NARS2: variants seen among roughly 807,000 people sequenced by gnomAD.
The protein encoded by NARS2 is asparaginyl-tRNA synthetase 2, mitochondrial, also known as asparaginyl-tRNA synthetase.
NARS2 carries 60 observed loss-of-function variants against 62.9 expected under a neutral mutation model. The observed-to-expected ratio is 0.95, with a 90% CI of 0.77 to 1.18. The LOEUF (loss-of-function observed/expected upper bound fraction) is 1.18. NARS2 is among the 50% of genes most tolerant of loss of function. The pLI is 0.00. For synonymous variants in NARS2, 196 were observed against 200.0 expected, an observed-to-expected ratio of 0.98 and a Z score of 0.17; for missense variants, 619 against 576.4, an observed-to-expected ratio of 1.07 and a Z score of -0.76.
intron 9 of NARS2, among the ~76,000 whole-genome samples, chr11:78,469,779 C>T (rs11501936): frequency 6.2e-5 from 9 of 146,046 alleles, no homozygotes; most frequent in Non-Finnish European, 1.4e-4. Context: ...AGAGAGAGAG[C>T]GAGAGATGCA....
intron 5 of NARS2, among the ~76,000 whole-genome samples, chr11:78,559,240 T>C (rs191270961): frequency 0.013 from 1,754 of 131,008 alleles, 15 homozygotes; most frequent in Middle Eastern, 0.058. Context: ...GAGGCGGAGG[T>C]TGCAGTGAGT....
Position 78,574,532 on chromosome 11 carries a change from C to A in NARS2, c.-44G>T, listed in dbSNP as rs768666874. The A allele has an allele frequency of 2.9e-5, 45 of 1,545,108 alleles. No individual in the cohort carries two copies. In the East Asian group the frequency reaches 1.0e-3, roughly 36 times the overall value. The stretch of plus-strand genomic sequence containing the variant: ...CTCCGCGGGAGCAGCCCAGACCCCA[C>A]GGTTCGAACCCCGCCTGCAGCGGCC... On this transcript the variant is annotated 5_prime_UTR_variant, in exon 1 of 14. Transcript: ENST00000281038.
chr11:78,496,332 T>A (rs1435639969), intron 6 of NARS2, among the ~76,000 whole-genome samples: 1 of 152,168 alleles, frequency 6.6e-6, no homozygotes, highest in Admixed American at 6.5e-5. Flanking sequence ...TATGGAATGA[T>A]CATTATGGGC....
chr11:78,536,498 G>C (rs1054600070), intron 5 of NARS2, among the ~76,000 whole-genome samples: 5 of 151,900 alleles, frequency 3.3e-5, no homozygotes, highest in Non-Finnish European at 4.4e-5. Context: ...TATAGGCCTA[G>C]GCTAATGTAT....
intron 5 of NARS2, among the ~76,000 whole-genome samples, chr11:78,548,684 T>G (rs541821737): frequency 6.6e-6 from 1 of 152,314 alleles, no homozygotes; most frequent in East Asian, 1.9e-4. Flanking sequence ...ATCGTGGTGG[T>G]AAAAAGTAGC....
chr11:78,465,817 C>A lies in NARS2; in HGVS notation c.1164+59G>T. The A allele has an allele frequency of 3.2e-6, 5 of 1,552,664 alleles. No individual in the cohort carries two copies. In the South Asian group the frequency reaches 4.5e-5, roughly 14 times the overall value. ...GACATTTAAGAAAAGATCACAAAGG[C>A]TAAATGAAAAACCCAACCTAAGAGG... On this transcript the variant is annotated intron_variant, in intron 11 of 13. Transcript: ENST00000281038.
intron 6 of NARS2, among the ~76,000 whole-genome samples, chr11:78,493,989 T>C (rs1018883294): frequency 6.6e-6 from 1 of 152,210 alleles, no homozygotes; most frequent in Non-Finnish European, 1.5e-5. Context: ...GTCAGATACA[T>C]ATTGCAGTTC....
At chr11:78,544,032 A>AAAAAAAC in intron 5 of NARS2, among the ~76,000 whole-genome samples, 1 of 151,100 alleles carries the variant, frequency 6.6e-6, no homozygotes, top group African/African-American at 2.4e-5. Flanking sequence ...AAAAAAAAAA[A>AAAAAAAC]AAAAAAAACT....
rs544185103 is a variant in NARS2 at position 78,507,319 on chromosome 11, G to T, written c.690-14124C>A. ...AAGTGATGGCACCTGCCTAGGGAAA[G>T]AATCAGGCAGGCTCAGAAAGACCTG... On this transcript the variant is annotated intron_variant, in intron 6 of 13. Coordinates refer to ENST00000281038, the MANE Select transcript of NARS2 (RefSeq NM_024678.6). 1.7e-4 allele frequency among the ~76,000 whole-genome samples: 26 copies of T among 152,246 alleles called. No homozygotes were observed. In the South Asian group the frequency reaches 4.8e-3, roughly 28 times the overall value.
intron 11 of NARS2, among the ~76,000 whole-genome samples, chr11:78,464,100 G>A (rs565332904): frequency 6.6e-6 from 1 of 152,248 alleles, no homozygotes; most frequent in South Asian, 2.1e-4. Context: ...TCCTTCTGGT[G>A]GGTTCGTGGT....
rs1857936171 is a variant in NARS2, at chr11:78,450,626, G to T, written c.1165-6868C>A. 2.0e-5 allele frequency among the ~76,000 whole-genome samples: 3 copies of T among 149,480 alleles called. No individual in the cohort carries two copies. In the South Asian group the frequency reaches 6.4e-4, roughly 32 times the overall value. Reference sequence around the variant, plus strand: ...ATGGTACTATTTCTTTTTCAACAAGGTCAGGTGAACCTCTGAAGAAAAGCC... The same window carrying T: ...ATGGTACTATTTCTTTTTCAACAAGTTCAGGTGAACCTCTGAAGAAAAGCC... On this transcript the variant is annotated intron_variant, in intron 11 of 13. Coordinates refer to ENST00000281038, the MANE Select transcript of NARS2 (RefSeq NM_024678.6).
intron 7 of NARS2, among the ~76,000 whole-genome samples, chr11:78,479,619 GT>G (rs1450466399): frequency 6.6e-6 from 1 of 152,214 alleles, no homozygotes; most frequent in Non-Finnish European, 1.5e-5. Flanking sequence ...TTTCTAAAAT[GT>G]TTTTATTCAC....
Position 78,436,847 on chromosome 11 carries a change from A to T in NARS2, c.1290-33T>A, listed in dbSNP as rs1271097974. 3.1e-6 allele frequency: 5 copies of T among 1,598,390 alleles called. No individual in the cohort carries two copies. The Admixed American group carries it at 8.5e-5, about 27-fold the overall frequency. ...TCAAAAATAGAAAATCATCATCTATATATAGTATAAGACCAGATGTTATGA... is the reference window on the plus strand; with the variant it reads ...TCAAAAATAGAAAATCATCATCTATTTATAGTATAAGACCAGATGTTATGA... On this transcript the variant is annotated intron_variant, in intron 13 of 13. Transcript: ENST00000281038.
At chr11:78,453,179 G>T (rs1858034814) in intron 11 of NARS2, among the ~76,000 whole-genome samples, 1 of 152,176 alleles carries the variant, frequency 6.6e-6, no homozygotes, top group African/African-American at 2.4e-5. Context: ...GGAGACTACA[G>T]ATCATTTTCC....
intron 13 of NARS2, among the ~76,000 whole-genome samples, chr11:78,438,272 G>C (rs1021744450): frequency 6.6e-6 from 1 of 152,138 alleles, no homozygotes; most frequent in Non-Finnish European, 1.5e-5. Flanking sequence ...GGGATATCTA[G>C]TATAAAACTT....
At chr11:78,473,831 G>A (rs1858975991) in intron 9 of NARS2, among the ~76,000 whole-genome samples, 1 of 152,180 alleles carries the variant, frequency 6.6e-6, no homozygotes, top group Non-Finnish European at 1.5e-5. Flanking sequence ...TCCTTGACCA[G>A]TTCTAGCTTT....
At chr11:78,441,262 T>C in intron 12 of NARS2, 145 bp from the exon 13 acceptor site, 1 of 641,292 alleles carries the variant, frequency 1.6e-6, no homozygotes, top group Non-Finnish European at 2.6e-6. Flanking sequence ...CTCAATATAG[T>C]TGAGGAGCTG....
At chr11:78,561,899 A>C (rs1286350938) in intron 4 of NARS2, among the ~76,000 whole-genome samples, 1 of 152,104 alleles carries the variant, frequency 6.6e-6, no homozygotes, top group Non-Finnish European at 1.5e-5. Flanking sequence ...GTTTCTACTA[A>C]AAAATACAAA....
At chr11:78,486,105 C>A (rs1859562438) in intron 7 of NARS2, among the ~76,000 whole-genome samples, 1 of 152,160 alleles carries the variant, frequency 6.6e-6, no homozygotes, top group Non-Finnish European at 1.5e-5. Flanking sequence ...GAACTCCTGA[C>A]CTCAGGTGAT....
Sources: gnomAD v4.1 joint callset for allele counts (sites outside exome capture counted in the v4.1 genomes callset) on GRCh38, gnomAD v4.1.1 for gene constraint, MANE v1.5 for transcripts, NCBI Gene and HGNC (gene_info 2026-07-23, HGNC 2026-07-21) for gene names.